Variants in THSD7B observed in about 807,000 individuals in gnomAD.
THSD7B encodes the protein thrombospondin type 1 domain containing 7B.
In THSD7B, 138 loss-of-function variants were observed where a neutral mutation model predicts 213.6. That is an observed-to-expected ratio of 0.65 (90% CI 0.56 to 0.74). THSD7B has a LOEUF of 0.74. Ranked by LOEUF, THSD7B falls within the 30% of genes least tolerant of loss-of-function variation. THSD7B has a pLI of 0.00. For missense variants in THSD7B, 1,931 were observed against 1,991.5 expected (o/e 0.97, Z 0.58); for synonymous variants, 742 against 687.0 (o/e 1.08, Z -1.25).
chr2:137,303,706 A>ATATATATATTTT (rs796117595), intron 12 of THSD7B, among the ~76,000 whole-genome samples: 15,909 of 122,028 alleles, frequency 0.13, 1,860 homozygotes, highest in East Asian at 0.48. Context: ...ATATATATTT[A>ATATATATATTTT]TATATATATT....
intron 12 of THSD7B, among the ~76,000 whole-genome samples, chr2:137,304,249 C>A (rs1044578498): frequency 2.6e-5 from 4 of 152,014 alleles, no homozygotes; most frequent in African/African-American, 9.7e-5. Context: ...TCAGATTGCA[C>A]CACTAATGTC....
intron 7 of THSD7B, among the ~76,000 whole-genome samples, chr2:137,177,631 T>A (rs903363700): frequency 6.6e-6 from 1 of 152,220 alleles, no homozygotes; most frequent in African/African-American, 2.4e-5. Flanking sequence ...TCCCAGGTGA[T>A]GCTGGTGTTG....
At chr2:136,916,856 C>T (rs571866490) in intron 2 of THSD7B, among the ~76,000 whole-genome samples, 1 of 152,152 alleles carries the variant, frequency 6.6e-6, no homozygotes, top group Admixed American at 6.5e-5. Context: ...AATCCTGATA[C>T]TGGTTGCCAT....
intron 5 of THSD7B, among the ~76,000 whole-genome samples, chr2:137,134,311 A>G (rs1470525434): frequency 1.3e-5 from 2 of 151,966 alleles, no homozygotes; most frequent in Admixed American, 6.6e-5. Flanking sequence ...ATTTTTTTTC[A>G]TATGTTCTTG....
intron 2 of THSD7B, among the ~76,000 whole-genome samples, chr2:136,994,881 G>A (rs1685855060): frequency 6.6e-6 from 1 of 152,046 alleles, no homozygotes; most frequent in African/African-American, 2.4e-5. Context: ...TAGGAAAATC[G>A]GCATTAACTT....
intron 12 of THSD7B, among the ~76,000 whole-genome samples, chr2:137,331,006 CA>C (rs1177618495): frequency 6.6e-6 from 1 of 152,168 alleles, no homozygotes; most frequent in Non-Finnish European, 1.5e-5. Flanking sequence ...TCCAAGACCC[CA>C]CCAGAGCAGC....
intron 1 of THSD7B, among the ~76,000 whole-genome samples, chr2:136,860,507 C>T (rs1683242584): frequency 6.6e-6 from 1 of 152,180 alleles, no homozygotes; most frequent in Non-Finnish European, 1.5e-5. Context: ...CCTCTTACTG[C>T]ACAGCCTTCC....
At chr2:137,144,245 C>T (rs530228732) in intron 5 of THSD7B, among the ~76,000 whole-genome samples, 27 of 152,152 alleles carry the variant, frequency 1.8e-4, no homozygotes, top group African/African-American at 4.8e-4. Flanking sequence ...CTAGACTTGA[C>T]CTGTACAACC....
intron 2 of THSD7B, among the ~76,000 whole-genome samples, chr2:136,972,048 G>A (rs1056589170): frequency 2.0e-5 from 3 of 152,108 alleles, no homozygotes; most frequent in African/African-American, 7.2e-5. Flanking sequence ...ACCTTTCCTG[G>A]TAGCTCCCCA....
intron 14 of THSD7B, among the ~76,000 whole-genome samples, chr2:137,444,368 C>G (rs1687483358): frequency 6.6e-6 from 1 of 151,986 alleles, no homozygotes; most frequent in Non-Finnish European, 1.5e-5. Context: ...ATTGATCTAA[C>G]TTCTCAAATT....
At chr2:136,957,437 G>GTT (rs34483995) in intron 2 of THSD7B, among the ~76,000 whole-genome samples, 3 of 129,980 alleles carry the variant, frequency 2.3e-5, no homozygotes, top group African/African-American at 3.4e-5. Context: ...CCAATACAAC[G>GTT]TTTTTTTTTT....
At chr2:137,429,261 T>C (rs909876034) in intron 14 of THSD7B, among the ~76,000 whole-genome samples, 2 of 152,156 alleles carry the variant, frequency 1.3e-5, no homozygotes, top group African/African-American at 2.4e-5. Context: ...TCTGTGAATA[T>C]AATGAAAAAC....
rs1483982599 is a variant in THSD7B, at chr2:136,944,470, T to C, written c.139+62153T>C. Among the ~76,000 whole-genome samples the C allele has an allele frequency of 5.3e-5, 8 of 152,188 alleles. No individual in the cohort carries two copies. In the East Asian group the frequency reaches 1.5e-3, roughly 29 times the overall value. On this transcript the variant is annotated intron_variant, in intron 2 of 27. Transcript: ENST00000409968. Reference sequence around the variant, plus strand: ...TTCTGTCTCCTTGATCTGTCTAATATTGACAGTGGGGTGTTAAAGTCTCCC... The same window carrying C: ...TTCTGTCTCCTTGATCTGTCTAATACTGACAGTGGGGTGTTAAAGTCTCCC...
At chr2:137,554,771 C>CGG (rs1680921374) in intron 15 of THSD7B, among the ~76,000 whole-genome samples, 2 of 152,168 alleles carry the variant, frequency 1.3e-5, no homozygotes, top group African/African-American at 4.8e-5. Flanking sequence ...CCGGGAAGCA[C>CGG]AAGGGGTCAG....
intron 2 of THSD7B, among the ~76,000 whole-genome samples, chr2:136,994,391 C>T (rs773442091): frequency 5.7e-4 from 87 of 152,050 alleles, no homozygotes; most frequent in African/African-American, 2.0e-3. Flanking sequence ...ACGGTGAAAC[C>T]CCGTCTCTAC....
At chr2:137,437,782 T>G (rs1392998285) in intron 14 of THSD7B, among the ~76,000 whole-genome samples, 1 of 152,160 alleles carries the variant, frequency 6.6e-6, no homozygotes, top group Non-Finnish European at 1.5e-5. Context: ...GTTTAAATAA[T>G]TCTGCTTTAA....
intron 5 of THSD7B, among the ~76,000 whole-genome samples, chr2:137,153,162 G>A (rs530084542): frequency 4.3e-4 from 65 of 152,058 alleles, no homozygotes; most frequent in Non-Finnish European, 7.8e-4. Context: ...TATGTAATTG[G>A]TGGCTATTGA....
chr2:136,846,781 C>T (rs894523720), intron 1 of THSD7B, among the ~76,000 whole-genome samples: 1 of 152,116 alleles, frequency 6.6e-6, no homozygotes, highest in Non-Finnish European at 1.5e-5. Context: ...TTTTACGATA[C>T]ACAGATTTCC....
At chr2:137,270,560 G>A (rs1176272251) in intron 10 of THSD7B, among the ~76,000 whole-genome samples, 1 of 152,146 alleles carries the variant, frequency 6.6e-6, no homozygotes, top group Non-Finnish European at 1.5e-5. Context: ...GAACATTAAT[G>A]GGTAATGACA....
Sources: gnomAD v4.1 joint callset for allele counts (sites outside exome capture counted in the v4.1 genomes callset) on GRCh38, gnomAD v4.1.1 for gene constraint, MANE v1.5 for transcripts, NCBI Gene and HGNC (gene_info 2026-07-23, HGNC 2026-07-21) for gene names.